The following TTC7B variants were observed in gnomAD, a reference collection of about 807,000 sequenced individuals.
TTC7B encodes the protein tetratricopeptide repeat protein 7B.
Under a neutral mutation model 106.8 loss-of-function variants are expected in TTC7B, and 28 were observed. That is an observed-to-expected ratio of 0.26 (90% CI 0.19 to 0.36). The LOEUF is 0.36. TTC7B is among the 10% of genes least tolerant of loss of function. TTC7B has a pLI of 1.00. For missense variants in TTC7B, 862 were observed against 1,076.4 expected (o/e 0.80, Z 2.79); for synonymous variants, 405 against 430.6 (o/e 0.94, Z 0.74).
intron 9 of TTC7B, among the ~76,000 whole-genome samples, chr14:90,670,418 AATAG>A (rs915276548): frequency 3.9e-5 from 6 of 152,206 alleles, no homozygotes; most frequent in African/African-American, 1.4e-4. Flanking sequence ...AAAATGTGGA[AATAG>A]ATAGTGATGA....
rs1276034848 is a variant in TTC7B at position 90,644,279 on chromosome 14, A to ACACACG, written c.1591-72_1591-71insCGTGTG. On this transcript the variant is annotated intron_variant, in intron 14 of 19. Transcript: ENST00000328459. ...CACGCACACACACACACACACACAC[A>ACACACG]CGCGCGAAAGAAGCCATCTTTTCAA... 38 of 948,880 alleles carry ACACACG rather than the reference A, an allele frequency of 4.0e-5. No homozygotes were observed. In the African/African-American group the frequency reaches 6.3e-4, roughly 16 times the overall value. 58.8% of individuals were successfully genotyped at this position (948,880 alleles called of 1,614,324 possible).
chr14:90,602,034 C>A, intron 17 of TTC7B: 1 of 440,584 alleles, frequency 2.3e-6, no homozygotes, highest in Non-Finnish European at 4.6e-6. Flanking sequence ...TGCTTTTAGG[C>A]CAGAAATAAA....
chr14:90,637,098 T>C (rs1266379327), intron 15 of TTC7B, among the ~76,000 whole-genome samples: 1 of 151,948 alleles, frequency 6.6e-6, no homozygotes, highest in African/African-American at 2.4e-5. Context: ...AAAAAGTTAC[T>C]GGTTGTTTGA....
chr14:90,701,794 G>GTATATATATATATA (rs1365407194), intron 5 of TTC7B, among the ~76,000 whole-genome samples: 2 of 124,876 alleles, frequency 1.6e-5, no homozygotes, highest in African/African-American at 7.0e-5. Context: ...GTGTGTGTGT[G>GTATATATATATATA]TGTATATATA....
At chr14:90,647,102 A>T (rs1450733751) in intron 13 of TTC7B, 79 bp from the exon 14 acceptor site, 9 of 1,244,744 alleles carry the variant, frequency 7.2e-6, no homozygotes, top group African/African-American at 1.5e-5. Context: ...TCTTCTCCAC[A>T]TTTGCATTCT....
intron 15 of TTC7B, among the ~76,000 whole-genome samples, chr14:90,618,336 A>G (rs537514554): frequency 2.6e-5 from 4 of 152,384 alleles, no homozygotes; most frequent in East Asian, 3.9e-4. Flanking sequence ...TATTAAAAGC[A>G]TGCTTTTTAG....
Position 90,663,583 on chromosome 14 carries a change from C to CG in TTC7B, c.1153-5197dup, listed in dbSNP as rs1251068954. Among the ~76,000 whole-genome samples the CG allele has an allele frequency of 6.6e-6, 1 of 152,172 alleles. No homozygotes were observed. The highest frequency in any genetic ancestry group is 1.5e-5 in the Non-Finnish European group (1 of 68,026). On this transcript the variant is annotated intron_variant, in intron 9 of 19. Transcript: ENST00000328459. The surrounding 1 kb of genome is among the most constrained non-coding windows in gnomAD (Gnocchi z 4.5). Reference sequence around the variant, plus strand: ...AGCACCACGGCAGCCAGTGGTGCCACGTCTCCAGCCCATCGCAAAGTTCTC... The same window carrying CG: ...AGCACCACGGCAGCCAGTGGTGCCACGGTCTCCAGCCCATCGCAAAGTTCTC...
intron 9 of TTC7B, among the ~76,000 whole-genome samples, chr14:90,666,536 G>A (rs1400890094): frequency 6.6e-6 from 1 of 152,142 alleles, no homozygotes; most frequent in Non-Finnish European, 1.5e-5. Flanking sequence ...CCTGGGTCCA[G>A]GAAAAGCTTC....
Position 90,689,795 on chromosome 14 carries a change from T to C in TTC7B, c.778-83A>G, listed in dbSNP as rs150607314. The stretch of plus-strand genomic sequence containing the variant: ...TTCAGTCAGTCAATAAATATTTATA[T>C]CATCACATTGTGCTAAGCACTACTG... On this transcript the variant is annotated intron_variant, in intron 6 of 19. Coordinates refer to ENST00000328459, the MANE Select transcript of TTC7B (RefSeq NM_001010854.2). The C allele has an allele frequency of 1.8e-4, 267 of 1,490,746 alleles. 1 individual carries two copies. In the East Asian group the frequency reaches 6.0e-3, roughly 34 times the overall value. The allele number at this position is 1,490,746 out of a possible 1,614,324, so 92.3% of individuals were successfully genotyped here.
intron 1 of TTC7B, among the ~76,000 whole-genome samples, chr14:90,790,561 C>T (rs72695535): frequency 0.058 from 8,804 of 152,072 alleles, 302 homozygotes; most frequent in Non-Finnish European, 0.068. Context: ...TCGGCCTGAG[C>T]GGAGGACTCC....
intron 3 of TTC7B, among the ~76,000 whole-genome samples, chr14:90,755,012 A>G (rs1193903387): frequency 2.6e-5 from 4 of 152,222 alleles, no homozygotes; most frequent in African/African-American, 9.6e-5. Flanking sequence ...GTTATTACAC[A>G]ACCATGCCCT....
rs1247277735 is a variant in TTC7B, at chr14:90,526,001, C to T, written c.*15367G>A. 1.3e-5 allele frequency: 2 copies of T among 151,340 alleles called. No individual in the cohort carries two copies. Among genetic ancestry groups the T allele is most frequent in the South Asian group, 4.2e-4 (2 of 4,790 alleles). The allele number at this position is 151,340 out of a possible 1,614,324, so 9.4% of individuals were successfully genotyped here. ...AAAAAAATAAAAAAAAAAAAGAAGT[C>T]TTTGTATTTTATATTTGTACATATA... On this transcript the variant is annotated 3_prime_UTR_variant, in exon 20 of 20. Coordinates refer to ENST00000328459, the MANE Select transcript of TTC7B (RefSeq NM_001010854.2).
Position 90,800,145 on chromosome 14 carries a change from T to C in TTC7B, c.122-13817A>G, listed in dbSNP as rs1015273391. Among the ~76,000 whole-genome samples the C allele has an allele frequency of 1.3e-5, 2 of 152,134 alleles. 1 individual carries two copies. The highest frequency in any genetic ancestry group is 2.9e-5 in the Non-Finnish European group (2 of 68,012). On this transcript the variant is annotated intron_variant, in intron 1 of 19. Transcript: ENST00000328459. ...CCACGCCCGGCCTGATCTAAGTTTT[T>C]AAAAGATGCCTCTGTCAGCCCTGTG...
At chr14:90,714,745 C>A (rs914481920) in intron 5 of TTC7B, among the ~76,000 whole-genome samples, 7 of 151,886 alleles carry the variant, frequency 4.6e-5, no homozygotes, top group Non-Finnish European at 7.4e-5. Context: ...GCGTGAGCCA[C>A]CATGCCCCGC....
chr14:90,758,053 C>T (rs1890362502), intron 3 of TTC7B, among the ~76,000 whole-genome samples: 1 of 151,490 alleles, frequency 6.6e-6, no homozygotes, highest in African/African-American at 2.4e-5. Context: ...CTGCGAACAG[C>T]CAGGGCCTGT....
intron 3 of TTC7B, among the ~76,000 whole-genome samples, chr14:90,745,846 G>A (rs557150241): frequency 1.3e-5 from 2 of 151,688 alleles, no homozygotes; most frequent in East Asian, 1.9e-4. Context: ...CTGGGACTAC[G>A]GGCGCATTCC....
chr14:90,659,722 A>G (rs904970592), intron 9 of TTC7B, among the ~76,000 whole-genome samples: 1 of 152,216 alleles, frequency 6.6e-6, no homozygotes, highest in Non-Finnish European at 1.5e-5. Context: ...AGGAGAACAC[A>G]GGCCATGGGG....
chr14:90,767,028 CAA>C (rs71301958), intron 3 of TTC7B: 19,382 of 501,382 alleles, frequency 0.039, no homozygotes, highest in South Asian at 0.05. Context: ...GTTTATATAC[CAA>C]AAAAAAAAAA....
intron 19 of TTC7B, among the ~76,000 whole-genome samples, chr14:90,567,299 A>G (rs2139791086): frequency 6.6e-6 from 1 of 152,358 alleles, no homozygotes; most frequent in South Asian, 2.1e-4. Context: ...CAACTCAGGC[A>G]CGTCCTGGGC....
Sources: gnomAD v4.1 joint callset for allele counts (sites outside exome capture counted in the v4.1 genomes callset) on GRCh38, gnomAD v4.1.1 for gene constraint, Gnocchi (gnomAD v3.1) non-coding constraint, MANE v1.5 for transcripts, NCBI Gene and HGNC (gene_info 2026-07-23, HGNC 2026-07-21) for gene names.